KCNH5: variants seen among roughly 807,000 people sequenced by gnomAD.
The protein encoded by KCNH5 is potassium voltage-gated channel subfamily H member 5.
KCNH5 carries 46 observed loss-of-function variants against 96.1 expected under a neutral mutation model. That is an observed-to-expected ratio of 0.48 (90% confidence interval 0.38 to 0.61). KCNH5 has a LOEUF of 0.61. Ranked by LOEUF, KCNH5 falls within the 20% of genes least tolerant of loss-of-function variation. The pLI, the probability that KCNH5 is intolerant of heterozygous loss-of-function variation, is 0.00. For synonymous variants in KCNH5, 439 were observed against 449.8 expected, an observed-to-expected ratio of 0.98 and a Z score of 0.30; for missense variants, 907 against 1,225.8, an observed-to-expected ratio of 0.74 and a Z score of 3.88.
At chr14:62,766,825 G>C (rs771255233) in intron 10 of KCNH5, among the ~76,000 whole-genome samples, 3 of 152,100 alleles carry the variant, frequency 2.0e-5, no homozygotes, top group Non-Finnish European at 2.9e-5. Context: ...ATAACTAAAA[G>C]AGTGTAACTG....
intron 7 of KCNH5, among the ~76,000 whole-genome samples, chr14:62,860,648 C>T (rs1036218317): frequency 1.3e-5 from 2 of 152,162 alleles, no homozygotes; most frequent in African/African-American, 4.8e-5. Flanking sequence ...CCCCAGCTAC[C>T]TCTTAGTGCC....
intron 4 of KCNH5, among the ~76,000 whole-genome samples, chr14:62,999,839 T>C (rs1202549775): frequency 1.4e-5 from 2 of 147,488 alleles, no homozygotes; most frequent in African/African-American, 5.0e-5. Flanking sequence ...ATTGTGCACA[T>C]GTACCCTAAA....
At chr14:62,796,271 C>T (rs1953360859) in intron 9 of KCNH5, among the ~76,000 whole-genome samples, 1 of 152,144 alleles carries the variant, frequency 6.6e-6, no homozygotes, top group Admixed American at 6.6e-5. Flanking sequence ...CTCGGCCTCC[C>T]AAAGTGCTAG....
At chr14:62,804,066 T>A (rs1886717607) in intron 8 of KCNH5, among the ~76,000 whole-genome samples, 2 of 152,310 alleles carry the variant, frequency 1.3e-5, no homozygotes. Context: ...GAAAACTGGG[T>A]TGCTTCCCTG....
At chr14:62,910,121 A>C (rs955923737) in intron 7 of KCNH5, among the ~76,000 whole-genome samples, 2 of 150,812 alleles carry the variant, frequency 1.3e-5, no homozygotes, top group Admixed American at 6.6e-5. Context: ...AAAGATATCA[A>C]GGCAATTCAC....
At chr14:62,826,408 A>ATATG (rs1887226966) in intron 8 of KCNH5, among the ~76,000 whole-genome samples, 1 of 141,984 alleles carries the variant, frequency 7.0e-6, no homozygotes. Context: ...GCGTGCGTGC[A>ATATG]TGTGTGTGTG....
At chr14:62,855,586 A>G (rs1887911532) in intron 7 of KCNH5, among the ~76,000 whole-genome samples, 1 of 152,246 alleles carries the variant, frequency 6.6e-6, no homozygotes, top group Non-Finnish European at 1.5e-5. Context: ...ATTTAACGTT[A>G]ATAACACAGA....
intron 7 of KCNH5, among the ~76,000 whole-genome samples, chr14:62,931,293 A>G (rs1031208675): frequency 1.3e-5 from 2 of 152,102 alleles, no homozygotes; most frequent in African/African-American, 4.8e-5. Context: ...GTAAATAGCA[A>G]TGGGAAAGTT....
intron 10 of KCNH5, among the ~76,000 whole-genome samples, chr14:62,749,641 T>G (rs1885453922): frequency 6.6e-6 from 1 of 152,152 alleles, no homozygotes; most frequent in Non-Finnish European, 1.5e-5. Context: ...TATTAGGAGG[T>G]CTGTAGTTAA....
intron 10 of KCNH5, among the ~76,000 whole-genome samples, chr14:62,753,046 C>T (rs1239849693): frequency 6.6e-6 from 1 of 152,058 alleles, no homozygotes. Flanking sequence ...GATATGTCAC[C>T]GTTCAGAAGC....
At chr14:62,886,499 G>C (rs10137940) in intron 7 of KCNH5, among the ~76,000 whole-genome samples, 85,581 of 151,998 alleles carry the variant, frequency 0.56, 24,928 homozygotes, top group East Asian at 0.71. Flanking sequence ...ACCAGGAGTG[G>C]GGTGTGCATG....
At chr14:62,853,494 A>ATATATGATATATATATATATATATATATG (rs375695583) in intron 7 of KCNH5, among the ~76,000 whole-genome samples, 13 of 102,068 alleles carry the variant, frequency 1.3e-4, no homozygotes, top group African/African-American at 4.5e-4. Flanking sequence ...ATATATATAT[A>ATATATGATATATATATATATATATATATG]ATCTTGGCCA....
chr14:62,930,145 A>C (rs1055666788), intron 7 of KCNH5, among the ~76,000 whole-genome samples: 19 of 152,208 alleles, frequency 1.2e-4, no homozygotes, highest in Non-Finnish European at 2.8e-4. Flanking sequence ...TTGGCTATAT[A>C]CCAAATAATG....
chr14:62,811,404 TA>T (rs1364501307), intron 8 of KCNH5, among the ~76,000 whole-genome samples: 5 of 152,138 alleles, frequency 3.3e-5, no homozygotes, highest in Non-Finnish European at 5.9e-5. Flanking sequence ...TCTCACCACC[TA>T]AGCTTGCCAT....
chr14:62,782,579 G>A (rs1167296902), intron 9 of KCNH5, among the ~76,000 whole-genome samples: 1 of 152,108 alleles, frequency 6.6e-6, no homozygotes, highest in Non-Finnish European at 1.5e-5. Context: ...GGGAGGCCAA[G>A]GCAGGCGGAT....
At chr14:62,978,771 A>G (rs771130698) in intron 6 of KCNH5, among the ~76,000 whole-genome samples, 2 of 152,084 alleles carry the variant, frequency 1.3e-5, no homozygotes, top group Non-Finnish European at 2.9e-5. Flanking sequence ...AATCAAGCCA[A>G]TCTTTTGATT....
chr14:62,908,438 T>A (rs953545963), intron 7 of KCNH5, among the ~76,000 whole-genome samples: 1 of 152,154 alleles, frequency 6.6e-6, no homozygotes, highest in Admixed American at 6.5e-5. Context: ...CCTTAGAACA[T>A]GCTATGATCT....
At chr14:62,724,035 C>T (rs1437420145) in intron 10 of KCNH5, among the ~76,000 whole-genome samples, 1 of 152,186 alleles carries the variant, frequency 6.6e-6, no homozygotes, top group East Asian at 1.9e-4. Context: ...CCCATTCCAA[C>T]TCAAGAATTT....
At chr14:62,805,311 T>A (rs1886742745) in intron 8 of KCNH5, among the ~76,000 whole-genome samples, 1 of 152,200 alleles carries the variant, frequency 6.6e-6, no homozygotes, top group African/African-American at 2.4e-5. Flanking sequence ...AGGATTTTAT[T>A]ACATTATGAG....
Sources: allele counts gnomAD v4.1 joint callset (sites outside exome capture counted in the v4.1 genomes callset), GRCh38; gene constraint gnomAD v4.1.1; transcripts MANE v1.5; gene names NCBI Gene and HGNC (gene_info 2026-07-23, HGNC 2026-07-21).